RAD51B: variants seen among roughly 807,000 people sequenced by gnomAD.
The protein encoded by RAD51B is RAD51 paralog B.
Under a neutral mutation model 42.2 loss-of-function variants are expected in RAD51B, and 38 were observed. The observed-to-expected ratio is 0.90, with a 90% CI of 0.70 to 1.18. The LOEUF (loss-of-function observed/expected upper bound fraction) is 1.18. Among genes scored for constraint, RAD51B ranks in the 50% most tolerant of loss-of-function variants. The pLI is 0.00. For synonymous variants in RAD51B, 154 were observed against 145.2 expected (o/e 1.06, Z -0.43); for missense variants, 373 against 400.7 (o/e 0.93, Z 0.59).
intron 10 of RAD51B, among the ~76,000 whole-genome samples, chr14:68,587,730 A>T (rs1890556856): frequency 6.6e-6 from 1 of 152,126 alleles, no homozygotes; most frequent in Non-Finnish European, 1.5e-5. Context: ...TTTGCTACCC[A>T]AGGCTGATGT....
intron 7 of RAD51B, among the ~76,000 whole-genome samples, chr14:68,050,286 T>C (rs2140417276): frequency 6.6e-6 from 1 of 152,190 alleles, no homozygotes; most frequent in South Asian, 2.1e-4. Flanking sequence ...TTCTTTTCTT[T>C]TCTACCTCTG....
intron 7 of RAD51B, among the ~76,000 whole-genome samples, chr14:67,970,798 A>C (rs1272069546): frequency 6.6e-6 from 1 of 152,080 alleles, no homozygotes; most frequent in Admixed American, 6.6e-5. Flanking sequence ...TCTTTAAAGG[A>C]AAAATAATTT....
intron 7 of RAD51B, among the ~76,000 whole-genome samples, chr14:67,899,805 G>C (rs1045019321): frequency 2.0e-5 from 3 of 152,124 alleles, no homozygotes; most frequent in Non-Finnish European, 4.4e-5. Flanking sequence ...TGTGAGGTAG[G>C]TTATACTATT....
At chr14:68,537,392 G>A (rs911131696) in intron 10 of RAD51B, among the ~76,000 whole-genome samples, 4 of 151,838 alleles carry the variant, frequency 2.6e-5, no homozygotes, top group Admixed American at 1.3e-4. Flanking sequence ...CCAGCTACTC[G>A]GGAGGCTGAG....
At chr14:67,973,010 G>C (rs117014642) in intron 7 of RAD51B, among the ~76,000 whole-genome samples, 4 of 152,038 alleles carry the variant, frequency 2.6e-5, no homozygotes, top group Non-Finnish European at 1.5e-5. Flanking sequence ...CTAAACATTC[G>C]TCTAGGGGCA....
chr14:68,613,123 T>G (rs970639325), downstream of RAD51B, among the ~76,000 whole-genome samples: 1 of 152,100 alleles, frequency 6.6e-6, no homozygotes, highest in African/African-American at 2.4e-5. Flanking sequence ...CAATATAAGA[T>G]TGTTAGTGGA....
At chr14:68,436,493 G>A (rs967341451) in intron 9 of RAD51B, among the ~76,000 whole-genome samples, 1 of 152,072 alleles carries the variant, frequency 6.6e-6, no homozygotes, top group Non-Finnish European at 1.5e-5. Flanking sequence ...GGATTGCTTT[G>A]TCTATTCAGG....
At chr14:68,672,374 T>C (rs1367912866) in intron 11 of RAD51B, among the ~76,000 whole-genome samples, 1 of 152,226 alleles carries the variant, frequency 6.6e-6, no homozygotes, top group Non-Finnish European at 1.5e-5. Flanking sequence ...AAAACTTCCA[T>C]CAGAGAATTT....
intron 7 of RAD51B, among the ~76,000 whole-genome samples, chr14:68,183,309 C>T (rs2079090605): frequency 1.3e-5 from 2 of 152,154 alleles, no homozygotes; most frequent in East Asian, 1.9e-4. Context: ...AGTCTAAAAG[C>T]TAAGGAATTT....
At chr14:68,049,911 C>T (rs1227753003) in intron 7 of RAD51B, among the ~76,000 whole-genome samples, 1 of 152,196 alleles carries the variant, frequency 6.6e-6, no homozygotes, top group Non-Finnish European at 1.5e-5. Flanking sequence ...CTGTACACAA[C>T]CTTACACTTT....
intron 7 of RAD51B, among the ~76,000 whole-genome samples, chr14:68,167,053 T>C (rs2078767729): frequency 6.6e-6 from 1 of 152,208 alleles, no homozygotes; most frequent in Non-Finnish European, 1.5e-5. Flanking sequence ...CTCGATACCA[T>C]TTCCAGATTA....
At chr14:68,468,467 C>T in intron 10 of RAD51B, 1 of 638,862 alleles carries the variant, frequency 1.6e-6, no homozygotes, top group Non-Finnish European at 2.9e-6. Flanking sequence ...AGGAGACCTA[C>T]AGAATTTCCT....
chr14:68,291,349 A>G (rs2081513348), intron 7 of RAD51B, among the ~76,000 whole-genome samples: 1 of 151,782 alleles, frequency 6.6e-6, no homozygotes, highest in Non-Finnish European at 1.5e-5. Context: ...GATTACAGAC[A>G]TGTGCCACCA....
chr14:68,308,623 G>A (rs896902042), intron 8 of RAD51B, among the ~76,000 whole-genome samples: 1 of 144,580 alleles, frequency 6.9e-6, no homozygotes, highest in Non-Finnish European at 1.5e-5. Context: ...ATCAGATGAT[G>A]ATTTCTTGAG....
chr14:68,442,340 C>T (rs2085317521), intron 9 of RAD51B, among the ~76,000 whole-genome samples: 1 of 149,470 alleles, frequency 6.7e-6, no homozygotes, highest in South Asian at 2.1e-4. Flanking sequence ...TCTAACAGTT[C>T]ATGAAAATAG....
At chr14:68,427,459 T>C (rs2084880543) in intron 9 of RAD51B, among the ~76,000 whole-genome samples, 1 of 152,160 alleles carries the variant, frequency 6.6e-6, no homozygotes, top group African/African-American at 2.4e-5. Flanking sequence ...GAACAGAAGG[T>C]GGAAATGGAG....
intron 11 of RAD51B, among the ~76,000 whole-genome samples, chr14:68,673,624 C>A (rs1595058047): frequency 6.6e-6 from 1 of 150,788 alleles, no homozygotes. Flanking sequence ...CGTACACATA[C>A]TGTGCACACA....
chr14:67,875,058 G>A (rs1191066799), intron 5 of RAD51B, among the ~76,000 whole-genome samples: 1 of 152,112 alleles, frequency 6.6e-6, no homozygotes, highest in Admixed American at 6.6e-5. Context: ...GGGATGTAGG[G>A]AAGTAAGAGA....
At position 68,641,807 on chromosome 14, in the gene RAD51B, T is replaced by C. The variant is rs188093570; in HGVS notation, c.1037-8974T>C. Among the ~76,000 whole-genome samples the C allele has an allele frequency of 1.6e-4, 25 of 151,970 alleles. 1 individual carries two copies. The highest frequency in any genetic ancestry group is 5.2e-4 in the Admixed American group (8 of 15,264). ...AACTCCTGGGTTCAAGTGATCCTCC[T>C]GCATTGGCTTCCTGAATTGCTGGGA... On this transcript the variant is annotated intron_variant, in intron 10 of 11. Coordinates refer to the RAD51B transcript ENST00000488612.
Sources: allele counts gnomAD v4.1 joint callset (sites outside exome capture counted in the v4.1 genomes callset), GRCh38; gene constraint gnomAD v4.1.1; transcripts MANE v1.5; gene names NCBI Gene and HGNC (gene_info 2026-07-23, HGNC 2026-07-21).